LRRC39: variants seen among roughly 807,000 people sequenced by gnomAD.
The protein encoded by LRRC39 is leucine rich repeat containing 39.
A neutral mutation model predicts 39.7 loss-of-function variants in LRRC39; 35 were observed. The ratio of observed to expected loss-of-function variants is 0.88; its 90% CI spans 0.67 to 1.17. LRRC39 has a LOEUF of 1.17. Among genes scored for constraint, LRRC39 ranks in the 50% most tolerant of loss-of-function variants. The pLI is 0.00. For synonymous variants in LRRC39, 113 were observed against 134.1 expected, an observed-to-expected ratio of 0.84 and a Z score of 1.09; for missense variants, 357 against 385.8, an observed-to-expected ratio of 0.93 and a Z score of 0.62.
At chr1:100,167,642 G>A (rs894393115) in intron 3 of LRRC39, among the ~76,000 whole-genome samples, 3 of 151,970 alleles carry the variant, frequency 2.0e-5, no homozygotes, top group Non-Finnish European at 2.9e-5. Flanking sequence ...GAGTGTGGTG[G>A]CATGCGCCTG....
intron 7 of LRRC39, among the ~76,000 whole-genome samples, chr1:100,155,433 A>G (rs1343961394): frequency 6.6e-6 from 1 of 152,178 alleles, no homozygotes; most frequent in Admixed American, 6.5e-5. Flanking sequence ...TGTCTTTTAC[A>G]ACATCTTTAA....
intron 3 of LRRC39, among the ~76,000 whole-genome samples, chr1:100,162,014 G>C (rs1424959441): frequency 6.6e-6 from 1 of 152,034 alleles, no homozygotes; most frequent in Non-Finnish European, 1.5e-5. Context: ...ATTCCCACCA[G>C]TGGCATATCA....
chr1:100,163,683 T>C (rs34304756), intron 3 of LRRC39, among the ~76,000 whole-genome samples: 50,295 of 151,188 alleles, frequency 0.33, 10,302 homozygotes, highest in East Asian at 0.6. Flanking sequence ...TCCTCCTGCC[T>C]CAGCCTCCCA....
chr1:100,173,601 G>A (rs1328171902), intron 1 of LRRC39, among the ~76,000 whole-genome samples: 1 of 152,034 alleles, frequency 6.6e-6, no homozygotes, highest in Non-Finnish European at 1.5e-5. Context: ...ATTCAATACT[G>A]TATCATGGCT....
intron 2 of LRRC39, among the ~76,000 whole-genome samples, chr1:100,171,612 C>T (rs1037465955): frequency 1.1e-4 from 16 of 150,276 alleles, no homozygotes; most frequent in Non-Finnish European, 2.4e-4. Flanking sequence ...AAGTAATTCT[C>T]CTGCTTCAGC....
chr1:100,169,385 A>T (rs1375612975), intron 2 of LRRC39, among the ~76,000 whole-genome samples: 1 of 152,092 alleles, frequency 6.6e-6, no homozygotes, highest in African/African-American at 2.4e-5. Context: ...CAACATAGGG[A>T]AACAGACACT....
chr1:100,160,340 C>T, intron 4 of LRRC39, 126 bp downstream of exon 4: 3 of 606,206 alleles, frequency 4.9e-6, no homozygotes, highest in East Asian at 3.1e-5. Context: ...TGCTCAAATT[C>T]ATTTGGTGTA....
chr1:100,158,152 T>C (rs1658596859), intron 6 of LRRC39, 79 bp downstream of exon 6: 1 of 1,429,782 alleles, frequency 7.0e-7, no homozygotes, highest in African/African-American at 1.4e-5. Flanking sequence ...ATTAGTTTTA[T>C]TATTGTTAAC....
At chr1:100,166,692 T>C (rs1198624002) in intron 3 of LRRC39, among the ~76,000 whole-genome samples, 6 of 152,116 alleles carry the variant, frequency 3.9e-5, no homozygotes, top group Non-Finnish European at 5.9e-5. Flanking sequence ...AGCATAAAAA[T>C]TCAGAAAATT....
Position 100,156,337 on chromosome 1 carries a change from T to A in LRRC39, c.514-20A>T. The A allele has an allele frequency of 6.3e-7, 1 of 1,580,952 alleles. No individual in the cohort carries two copies. Among genetic ancestry groups the A allele is most frequent in the South Asian group, 1.2e-5 (1 of 86,738 alleles). On this transcript the variant is annotated intron_variant, in intron 6 of 9. Coordinates refer to ENST00000370137, the MANE Select transcript of LRRC39 (RefSeq NM_144620.4). ...GCTGAGCTGAAGAAGAAAGCAAGGT[T>A]TTTCAAAATAAATGTCCACAATGTA...
intron 3 of LRRC39, among the ~76,000 whole-genome samples, chr1:100,167,488 G>A (rs1337781146): frequency 6.6e-6 from 1 of 152,078 alleles, no homozygotes; most frequent in Non-Finnish European, 1.5e-5. Flanking sequence ...TTAGAAAGAG[G>A]CAATGGCCTG....
chr1:100,166,865 C>T (rs1194741673), intron 3 of LRRC39, among the ~76,000 whole-genome samples: 1 of 152,098 alleles, frequency 6.6e-6, no homozygotes, highest in Non-Finnish European at 1.5e-5. Flanking sequence ...CTCTCTTTGC[C>T]AGCTGCCATG....
intron 9 of LRRC39, 53 bp downstream of exon 9, chr1:100,152,332 A>G (rs1467832197): frequency 6.4e-7 from 1 of 1,564,266 alleles, no homozygotes; most frequent in East Asian, 2.2e-5. Context: ...TTAGTGATAC[A>G]CACATTACTC....
chr1:100,154,252 A>G (rs1658288808), intron 8 of LRRC39, among the ~76,000 whole-genome samples: 1 of 152,206 alleles, frequency 6.6e-6, no homozygotes, highest in Non-Finnish European at 1.5e-5. Flanking sequence ...ATAATAAAGT[A>G]CTGCAAAACA....
chr1:100,148,495 G>T lies in LRRC39; in HGVS notation c.*547C>A. On this transcript the variant is annotated 3_prime_UTR_variant, in exon 10 of 10. Transcript: ENST00000370137. ...GTGGTCATAAATATAATGTGTCTTG[G>T]AAGCATGGGACAAAGTACTTAGTAC... The T allele has an allele frequency of 9.5e-7, 1 of 1,055,980 alleles. No homozygotes were observed. 65.4% of individuals were successfully genotyped at this position (1,055,980 alleles called of 1,614,324 possible).
chr1:100,179,329 C>T (rs1660143974), upstream of LRRC39, among the ~76,000 whole-genome samples: 1 of 151,564 alleles, frequency 6.6e-6, no homozygotes, highest in Admixed American at 6.6e-5. Flanking sequence ...ACTTCCCTGT[C>T]CCGAGAGTGT....
At chr1:100,149,821 T>G (rs1483485831) in intron 9 of LRRC39, 1 of 157,214 alleles carries the variant, frequency 6.4e-6, no homozygotes, top group Non-Finnish European at 1.4e-5. Flanking sequence ...AAAAATTGTC[T>G]TAATTGATGG....
At chr1:100,167,327 TA>T (rs938199990) in intron 3 of LRRC39, among the ~76,000 whole-genome samples, 21 of 148,650 alleles carry the variant, frequency 1.4e-4, no homozygotes, top group African/African-American at 2.7e-4. Flanking sequence ...GGAAGGTGAT[TA>T]AAAAAAAAAG....
chr1:100,150,776 G>A (rs1388679523), intron 9 of LRRC39, among the ~76,000 whole-genome samples: 3 of 152,096 alleles, frequency 2.0e-5, no homozygotes, highest in Non-Finnish European at 4.4e-5. Flanking sequence ...ACCTCTTCTT[G>A]AACTTCAGAT....
Sources: allele counts gnomAD v4.1 joint callset (sites outside exome capture counted in the v4.1 genomes callset), GRCh38; gene constraint gnomAD v4.1.1; transcripts MANE v1.5; gene names NCBI Gene and HGNC (gene_info 2026-07-23, HGNC 2026-07-21).